The following ORC3 variants were observed in gnomAD, a reference collection of about 807,000 sequenced individuals.
ORC3 encodes the protein homolog of latheo, Drosophila.
Under a neutral mutation model 100.7 loss-of-function variants are expected in ORC3, and 78 were observed. That is an observed-to-expected ratio of 0.77 (90% CI 0.65 to 0.94). The LOEUF (loss-of-function observed/expected upper bound fraction) is 0.94. ORC3 is among the 40% of genes least tolerant of loss of function. ORC3 has a pLI of 0.00. For missense variants in ORC3, 789 were observed against 823.9 expected (o/e 0.96, Z 0.52); for synonymous variants, 295 against 289.3 (o/e 1.02, Z -0.20).
At chr6:87,613,814 C>G (rs1399153650) in intron 8 of ORC3, among the ~76,000 whole-genome samples, 2 of 152,202 alleles carry the variant, frequency 1.3e-5, no homozygotes, top group African/African-American at 4.8e-5. Flanking sequence ...GAGGTGGGTT[C>G]CCATGGTCTT....
At chr6:87,603,255 CAT>C in intron 3 of ORC3, 127 bp from the exon 4 acceptor site, 1 of 525,722 alleles carries the variant, frequency 1.9e-6, no homozygotes, top group Non-Finnish European at 3.1e-6. Flanking sequence ...AAGGAAAAAA[CAT>C]TTTTTAATTA....
intron 11 of ORC3, among the ~76,000 whole-genome samples, chr6:87,632,963 GA>G (rs1453981969): frequency 6.6e-6 from 1 of 152,178 alleles, no homozygotes; most frequent in Non-Finnish European, 1.5e-5. Flanking sequence ...GACCACCTAG[GA>G]GAAAAACATG....
intron 1 of ORC3, among the ~76,000 whole-genome samples, chr6:87,590,702 G>A (rs569514407): frequency 6.6e-6 from 1 of 152,270 alleles, no homozygotes; most frequent in South Asian, 2.1e-4. Flanking sequence ...TGACCCTTTC[G>A]CTGAGACCTG....
At chr6:87,675,755 G>A in the ORC3 span, 1 of 1,457,234 alleles carries the variant, frequency 6.9e-7, no homozygotes, top group Non-Finnish European at 9.5e-7. Flanking sequence ...TACATTCTCA[G>A]TAATTTTGTT....
In ORC3 at chr6:87,667,107, C is replaced by T. The variant is rs750581600; in HGVS notation, c.2120C>T (p.Thr707Ile). 1 of 1,601,054 alleles carries T rather than the reference C, an allele frequency of 6.2e-7. No homozygotes were observed. The highest frequency in any genetic ancestry group is 1.1e-5 in the South Asian group (1 of 89,660). Residue 707 changes from threonine (T) to isoleucine (I), a missense_variant, in exon 20 of 20, where the codon ACA becomes ATA. By Grantham distance (89) the Thr-to-Ile change is moderately conservative. This residue lies in a region of ORC3 where 366 missense variants were observed against 394.2 expected (regional missense o/e 0.93). Transcript: ENST00000392844. ...AAGACTGACCATGTGGCAAGACTAA[C>T]ATGGGGAGGCTGCTAGAAAGCAAAT... is the stretch of plus-strand genomic sequence containing the variant. Reference protein sequence around the residue: ...KQKTDHVARLTWGGC With the variant: ...KQKTDHVARLIWGGC
At chr6:87,625,062 A>T (rs868082807) in intron 11 of ORC3, among the ~76,000 whole-genome samples, 2 of 152,162 alleles carry the variant, frequency 1.3e-5, no homozygotes, top group African/African-American at 4.8e-5. Flanking sequence ...TCCATGGTGT[A>T]TATGTGCCAC....
At chr6:87,590,279 C>G in intron 1 of ORC3, 87 bp downstream of exon 1, 1 of 1,399,954 alleles carries the variant, frequency 7.1e-7, no homozygotes, top group Non-Finnish European at 1.0e-6. Context: ...CGTAGGCATC[C>G]CTTCCCTGGC....
intron 2 of ORC3, among the ~76,000 whole-genome samples, chr6:87,600,544 G>A (rs1481963733): frequency 6.6e-6 from 1 of 152,098 alleles, no homozygotes; most frequent in East Asian, 1.9e-4. Flanking sequence ...GTGGGAGGAA[G>A]ACCTAAATGT....
chr6:87,636,943 T>G (rs1221993999), intron 13 of ORC3, among the ~76,000 whole-genome samples: 1 of 152,228 alleles, frequency 6.6e-6, no homozygotes, highest in African/African-American at 2.4e-5. Flanking sequence ...GGCAGTGGCC[T>G]TGGTGCCTTC....
intron 2 of ORC3, among the ~76,000 whole-genome samples, chr6:87,600,027 T>G (rs376671733): frequency 6.6e-5 from 10 of 152,178 alleles, no homozygotes; most frequent in African/African-American, 1.9e-4. Flanking sequence ...TTGTTGGCAT[T>G]TTAATTCTAT....
At chr6:87,633,068 C>T (rs1386432531) in intron 11 of ORC3, among the ~76,000 whole-genome samples, 2 of 152,072 alleles carry the variant, frequency 1.3e-5, no homozygotes, top group African/African-American at 4.8e-5. Context: ...CTTTTCTCTC[C>T]TTATCCAAGT....
intron 7 of ORC3, among the ~76,000 whole-genome samples, chr6:87,610,240 G>A (rs1248216678): frequency 3.3e-5 from 5 of 151,884 alleles, no homozygotes; most frequent in East Asian, 1.9e-4. Flanking sequence ...ACAGAGTCTC[G>A]CTCTGTCCCC....
downstream of ORC3, among the ~76,000 whole-genome samples, chr6:87,669,030 G>A (rs561486303): frequency 1.3e-5 from 2 of 152,260 alleles, no homozygotes; most frequent in Non-Finnish European, 1.5e-5. Flanking sequence ...GGTGGCACAC[G>A]CCTGTAATCC....
At chr6:87,616,497 G>A (rs930207681) in intron 9 of ORC3, 70 bp downstream of exon 9, 1 of 667,266 alleles carries the variant, frequency 1.5e-6, no homozygotes, top group Middle Eastern at 2.5e-4. Flanking sequence ...ATTTCAGGCT[G>A]TCTAGTGTGA....
At chr6:87,597,289 C>T (rs1197719084) in intron 2 of ORC3, among the ~76,000 whole-genome samples, 1 of 152,116 alleles carries the variant, frequency 6.6e-6, no homozygotes, top group East Asian at 1.9e-4. Context: ...CGACCTGTCA[C>T]TTGAGGTGAG....
At chr6:87,646,116 A>G (rs780337624) in intron 13 of ORC3, among the ~76,000 whole-genome samples, 5 of 150,302 alleles carry the variant, frequency 3.3e-5, no homozygotes, top group Non-Finnish European at 7.4e-5. Flanking sequence ...CCTCCTGAGT[A>G]GCCGGGACTA....
At chr6:87,674,368 A>C in the ORC3 span, among the ~76,000 whole-genome samples, 1 of 151,096 alleles carries the variant, frequency 6.6e-6, no homozygotes, top group Non-Finnish European at 1.5e-5. Flanking sequence ...TGTGTATTTA[A>C]GATTGTCTTA....
At chr6:87,656,335 C>G (rs1212822374) in intron 14 of ORC3, among the ~76,000 whole-genome samples, 1 of 152,142 alleles carries the variant, frequency 6.6e-6, no homozygotes, top group Non-Finnish European at 1.5e-5. Flanking sequence ...TGCCTGTAAT[C>G]CCAGCACTTT....
chr6:87,631,535 C>T (rs920338224), intron 11 of ORC3, among the ~76,000 whole-genome samples: 4 of 152,116 alleles, frequency 2.6e-5, no homozygotes, highest in African/African-American at 9.7e-5. Flanking sequence ...CTCTGTCACC[C>T]AGGCTGGACT....
Sources: allele counts gnomAD v4.1 joint callset (sites outside exome capture counted in the v4.1 genomes callset), GRCh38; gene constraint gnomAD v4.1.1; regional missense constraint gnomAD v4.1.1; transcripts MANE v1.5; gene names NCBI Gene and HGNC (gene_info 2026-07-23, HGNC 2026-07-21).